SNAP23: variants seen among roughly 807,000 people sequenced by gnomAD.
The protein encoded by SNAP23 is synaptosomal-associated protein 23.
In SNAP23, 11 loss-of-function variants were observed where a neutral mutation model predicts 29.0. That is an observed-to-expected ratio of 0.38 (90% CI 0.24 to 0.63). SNAP23 has a LOEUF of 0.63. Ranked by LOEUF, SNAP23 falls within the 20% of genes least tolerant of loss-of-function variation. The pLI is 0.58. For synonymous variants in SNAP23, 60 were observed against 82.9 expected (o/e 0.72, Z 1.50); for missense variants, 220 against 253.9 (o/e 0.87, Z 0.91).
chr15:42,512,663 C>T (rs1334435722), intron 2 of SNAP23, among the ~76,000 whole-genome samples: 2 of 152,048 alleles, frequency 1.3e-5, no homozygotes, highest in Non-Finnish European at 2.9e-5. Context: ...AGGCTTGAAC[C>T]ACCACACCCG....
At chr15:42,526,833 T>G (rs2057507884) in intron 5 of SNAP23, among the ~76,000 whole-genome samples, 2 of 150,138 alleles carry the variant, frequency 1.3e-5, no homozygotes, top group Non-Finnish European at 3.0e-5. Context: ...ACACTTAGAC[T>G]TATGATTTTT....
At chr15:42,516,416 G>A (rs894740798) in intron 5 of SNAP23, among the ~76,000 whole-genome samples, 5 of 152,028 alleles carry the variant, frequency 3.3e-5, no homozygotes, top group South Asian at 2.1e-4. Context: ...TGCAACCTCC[G>A]TCTCCTGGGT....
At chr15:42,529,962 AAC>A in intron 7 of SNAP23, 143 bp downstream of exon 7, 1 of 846,154 alleles carries the variant, frequency 1.2e-6, no homozygotes, top group Non-Finnish European at 1.8e-6. Context: ...TGGTGGTTCT[AAC>A]ACATAAAACA....
chr15:42,513,822 T>G (rs2057376922), intron 4 of SNAP23, among the ~76,000 whole-genome samples: 1 of 150,926 alleles, frequency 6.6e-6, no homozygotes, highest in African/African-American at 2.4e-5. Flanking sequence ...TGTCTAGTTT[T>G]GGGGGTGGGG....
At chr15:42,511,168 T>C (rs1297767278) in intron 1 of SNAP23, among the ~76,000 whole-genome samples, 2 of 152,198 alleles carry the variant, frequency 1.3e-5, no homozygotes, top group African/African-American at 4.8e-5. Flanking sequence ...GAGATCTCCT[T>C]CTGAGTTACT....
Position 42,508,000 on chromosome 15 carries a change from A to G in SNAP23, c.-14-3833A>G, listed in dbSNP as rs141879779. On this transcript the variant is annotated intron_variant, in intron 1 of 7. Transcript: ENST00000249647. ...GCCAGGTACGGTAGCTCATCCCTGT[A>G]ATTCCAGAACTTTGGGAGGCTGAGG... Among the ~76,000 whole-genome samples the G allele has an allele frequency of 1.4e-3, 209 of 152,256 alleles. 1 individual carries two copies. The highest frequency in any genetic ancestry group is 4.8e-3 in the African/African-American group (200 of 41,534).
chr15:42,514,118 T>C (rs2057379456), intron 4 of SNAP23, among the ~76,000 whole-genome samples: 1 of 145,656 alleles, frequency 6.9e-6, no homozygotes, highest in Non-Finnish European at 1.5e-5. Context: ...CCGGGCCTTT[T>C]GTTTTGTTTT....
intron 5 of SNAP23, chr15:42,521,536 T>C (rs945728999): frequency 6.7e-7 from 1 of 1,501,904 alleles, no homozygotes; most frequent in African/African-American, 1.4e-5. Context: ...CTGTTCTGTT[T>C]GACTGGCATT....
chr15:42,515,542 C>T (rs2057391108), intron 5 of SNAP23, among the ~76,000 whole-genome samples, 188 bp downstream of exon 5: 1 of 152,180 alleles, frequency 6.6e-6, no homozygotes, highest in Non-Finnish European at 1.5e-5. Flanking sequence ...CTGTGACTTA[C>T]ATTTGACCAA....
intron 1 of SNAP23, among the ~76,000 whole-genome samples, chr15:42,508,735 T>C (rs576799009): frequency 2.2e-4 from 34 of 152,264 alleles, no homozygotes; most frequent in African/African-American, 7.7e-4. Context: ...GTTTTGCTTT[T>C]TTTTTCCTAG....
At position 42,532,972 on chromosome 15, in the gene SNAP23, AGCATCTGAACACTTCAAAGCTGTCAG is replaced by A. The variant is rs1374394392; in HGVS notation, c.*1495_*1520del. ...TATTTGTCACATTTATTTTAAAATT[AGCATCTGAACACTTCAAAGCTGTCAG>A]TGTGTATTGGTTTCACCAATAACCA... On this transcript the variant is annotated 3_prime_UTR_variant, in exon 8 of 8. Transcript: ENST00000249647. 38 of 152,680 alleles carry A rather than the reference AGCATCTGAACACTTCAAAGCTGTCAG, an allele frequency of 2.5e-4. No homozygotes were observed. Among genetic ancestry groups the A allele is most frequent in the African/African-American group, 8.4e-4 (35 of 41,470 alleles). The allele number at this position is 152,680 out of a possible 1,614,324, so 9.5% of individuals were successfully genotyped here. A position where few individuals can be genotyped will look rare whatever the true frequency, so the allele number is the denominator to read the frequency against.
At chr15:42,524,409 G>C (rs776250635) in intron 5 of SNAP23, among the ~76,000 whole-genome samples, 2 of 152,156 alleles carry the variant, frequency 1.3e-5, no homozygotes, top group Non-Finnish European at 2.9e-5. Context: ...TCCACGGCCT[G>C]TTAACAGAAA....
chr15:42,511,808 A>C (rs772765873), intron 1 of SNAP23, 25 bp from the exon 2 acceptor site: 2 of 1,407,950 alleles, frequency 1.4e-6, no homozygotes, highest in Non-Finnish European at 2.0e-6. Flanking sequence ...TACAATATCC[A>C]CATTTCCATT....
chr15:42,513,389 C>T lies in SNAP23; in HGVS notation c.100-10C>T. 1 of 1,613,136 alleles carries T rather than the reference C, an allele frequency of 6.2e-7. No individual in the cohort carries two copies. The highest frequency in any genetic ancestry group is 1.7e-5 in the Admixed American group (1 of 60,022). On this transcript the variant is annotated splice_polypyrimidine_tract_variant and intron_variant, in intron 3 of 7. Coordinates refer to ENST00000249647, the MANE Select transcript of SNAP23 (RefSeq NM_003825.4). ...TTGTTGTACTATCAGCTTTTCCCCCCTTGTCTTAGTCTCAGGATGCAGGAA... is the reference window on the plus strand; with the variant it reads ...TTGTTGTACTATCAGCTTTTCCCCCTTTGTCTTAGTCTCAGGATGCAGGAA...
chr15:42,495,302 C>G (rs535816127), upstream of SNAP23: 1 of 152,310 alleles, frequency 6.6e-6, no homozygotes, highest in Non-Finnish European at 1.5e-5. Flanking sequence ...GTATTCTATC[C>G]ACTATAATTT....
chr15:42,493,860 C>G (rs1239924753), upstream of SNAP23, among the ~76,000 whole-genome samples: 2 of 152,100 alleles, frequency 1.3e-5, no homozygotes, highest in African/African-American at 4.8e-5. Flanking sequence ...ACTTTAACTT[C>G]CTGTTACTAA....
chr15:42,509,195 G>A (rs2057339253), intron 1 of SNAP23, among the ~76,000 whole-genome samples: 1 of 152,060 alleles, frequency 6.6e-6, no homozygotes, highest in Non-Finnish European at 1.5e-5. Context: ...GACAAAAGAG[G>A]AACAGTAGCA....
At chr15:42,503,890 A>C (rs978017345) in intron 1 of SNAP23, among the ~76,000 whole-genome samples, 2 of 152,214 alleles carry the variant, frequency 1.3e-5, no homozygotes, top group East Asian at 3.8e-4. Context: ...TAAAAAGAAA[A>C]GAGTTTTTAA....
chr15:42,515,416 C>G, intron 5 of SNAP23, 62 bp downstream of exon 5: 1 of 947,884 alleles, frequency 1.1e-6, no homozygotes, highest in Non-Finnish European at 1.7e-6. Context: ...CTTCTCCCAC[C>G]AGCTAAGGTC....
Sources: allele counts gnomAD v4.1 joint callset (sites outside exome capture counted in the v4.1 genomes callset), GRCh38; gene constraint gnomAD v4.1.1; transcripts MANE v1.5; gene names NCBI Gene and HGNC (gene_info 2026-07-23, HGNC 2026-07-21).